CR1: variants seen among roughly 807,000 people sequenced by gnomAD.
CR1 encodes complement receptor type 1.
CR1 carries 116 observed loss-of-function variants against 187.3 expected under a neutral mutation model. The observed-to-expected ratio is 0.62, with a 90% CI of 0.53 to 0.72. CR1 has a LOEUF of 0.72. CR1 is among the 30% of genes least tolerant of loss of function. CR1 has a pLI of 0.00. For missense variants in CR1, 1,731 were observed against 2,110.7 expected, an observed-to-expected ratio of 0.82 and a Z score of 3.52; for synonymous variants, 576 against 747.1, an observed-to-expected ratio of 0.77 and a Z score of 3.73.
chr1:207,617,936 G>A (rs749682694), intron 41 of CR1, 135 bp from the exon 42 acceptor site: 2 of 827,520 alleles, frequency 2.4e-6, no homozygotes, highest in Admixed American at 2.9e-5. Context: ...AAATAGGAGG[G>A]AGTGGCTTAT....
At chr1:207,504,372 C>A (rs1426566309) in intron 1 of CR1, among the ~76,000 whole-genome samples, 2 of 151,980 alleles carry the variant, frequency 1.3e-5, no homozygotes, top group Admixed American at 1.3e-4. Flanking sequence ...AAGAAGGTTG[C>A]TCTACCATAA....
rs772945933 is a variant in CR1 at position 207,523,629 on chromosome 1, C to T, written c.506C>T (p.Pro169Leu). ...TTTCCAGGAATTCCTTGTGGGCTAC[C>T]CCCCACCATCACCAATGGAGATTTC... ...PICDRIPCGL[P>L]PTITNGDFIS... The change falls in exon 5 of 47, where the codon CCC becomes CTC. Residue 169 changes from proline to leucine, a missense_variant. Transcript: ENST00000367049. 10 of 1,613,856 alleles carry T rather than the reference C, an allele frequency of 6.2e-6. No individual in the cohort carries two copies. Among genetic ancestry groups the T allele is most frequent in the Non-Finnish European group, 7.6e-6 (9 of 1,179,892 alleles).
At chr1:207,523,470 T>A (rs1660060490) in intron 4 of CR1, 141 bp from the exon 5 acceptor site, 1 of 1,422,784 alleles carries the variant, frequency 7.0e-7, no homozygotes, top group Non-Finnish European at 9.5e-7. Flanking sequence ...AAGCTACAAC[T>A]TTATAAAAAT....
chr1:207,544,647 C>G (rs1488779555), intron 13 of CR1, among the ~76,000 whole-genome samples: 3 of 136,350 alleles, frequency 2.2e-5, no homozygotes, highest in African/African-American at 9.0e-5. Context: ...AAATTACACT[C>G]TCATTATGGT....
chr1:207,622,579 C>T (rs1662345631), intron 44 of CR1, among the ~76,000 whole-genome samples: 2 of 152,176 alleles, frequency 1.3e-5, no homozygotes, highest in Admixed American at 6.5e-5. Flanking sequence ...TCTGTGGAGA[C>T]TGTGCACTTT....
intron 41 of CR1, 51 bp from the exon 42 acceptor site, chr1:207,618,020 T>G: frequency 6.3e-7 from 1 of 1,575,582 alleles, no homozygotes; most frequent in Non-Finnish European, 8.6e-7. Flanking sequence ...TTCATATGTC[T>G]ATGTTTAACT....
At chr1:207,588,542 G>C (rs1661178241) in intron 34 of CR1, 133 bp from the exon 35 acceptor site, 1 of 656,770 alleles carries the variant, frequency 1.5e-6, no homozygotes, top group Non-Finnish European at 2.7e-6. Context: ...TGTCTGCCAA[G>C]TTTCCTCAAA....
intron 45 of CR1, among the ~76,000 whole-genome samples, chr1:207,623,370 C>T (rs898441035): frequency 6.6e-6 from 1 of 152,014 alleles, no homozygotes; most frequent in Admixed American, 6.6e-5. Context: ...TCACTAGAGG[C>T]CAGGGGTTCG....
chr1:207,496,319 G>C lies in CR1; in HGVS notation c.52G>C (p.Gly18Arg). Residue 18 changes from glycine (G) to arginine (R), a missense_variant, in exon 1 of 47, where the codon GGT (glycine) becomes CGT (arginine). Gly to Arg is a moderately radical substitution (Grantham distance 125). Coordinates refer to ENST00000367049, the MANE Select transcript of CR1 (RefSeq NM_000651.6). ...GGAGCCTGTCGGGCCGCCGGCGCCC[G>C]GTCTCCCCTTCTGCTGCGGAGGATC... is the stretch of plus-strand genomic sequence containing the variant. ...SPEPVGPPAP[G>R]LPFCCGGSLL... 1 of 1,613,584 alleles carries C rather than the reference G, an allele frequency of 6.2e-7. No homozygotes were observed. The highest frequency in any genetic ancestry group is 1.7e-4 in the Middle Eastern group (1 of 5,788).
In CR1 at chr1:207,567,954, C is replaced by T. The variant is rs377273571; in HGVS notation, c.4083C>T (p.Asp1361=). The change falls in exon 25 of 47, where the codon GAC becomes GAT. Residue 1361 remains aspartate, a synonymous_variant. Transcript: ENST00000367049. The part of the protein sequence containing the change: ...DPHPDRGTSF[D]LIGESTIRCT... ...ACCCAGACAGAGGGACGAGCTTCGA[C>T]CTCATTGGAGAGAGCACCATCCGCT... 25 of 1,610,486 alleles carry T rather than the reference C, an allele frequency of 1.6e-5. 4 individuals carry two copies. In the African/African-American group the frequency reaches 3.3e-4, roughly 21 times the overall value.
At chr1:207,632,129 C>T (rs927594995) in intron 46 of CR1, among the ~76,000 whole-genome samples, 9 of 151,962 alleles carry the variant, frequency 5.9e-5, no homozygotes, top group African/African-American at 2.2e-4. Flanking sequence ...TTTGCAATGC[C>T]CTGTTTATTA....
At chr1:207,609,152 C>A in intron 36 of CR1, 138 bp from the exon 37 acceptor site, 1 of 920,134 alleles carries the variant, frequency 1.1e-6, no homozygotes, top group Non-Finnish European at 1.5e-6. Flanking sequence ...TGATTATTAG[C>A]AAATATTTTA....
At position 207,580,406 on chromosome 1, in the gene CR1, G is replaced by A. The variant is rs746998777; in HGVS notation, c.5103G>A (p.Pro1701=). Residue 1701 remains proline, a synonymous_variant, in exon 30 of 47, where the codon CCG becomes CCA. Transcript: ENST00000367049. ...TPQGDWSPEA[P]RCAVKSCDDF... ...AGGGAGACTGGAGCCCTGAAGCCCC[G>A]AGATGTGCAGGTGCCTCAACTCTCT... is the stretch of plus-strand genomic sequence containing the variant. 27 of 1,613,750 alleles carry A rather than the reference G, an allele frequency of 1.7e-5. No homozygotes were observed. Among genetic ancestry groups the A allele is most frequent in the East Asian group, 1.6e-4 (7 of 44,882 alleles).
rs940745610 is a variant in CR1, at chr1:207,514,778, C to A, written c.487+3124C>A. On this transcript the variant is annotated intron_variant, in intron 4 of 46. Transcript: ENST00000367049. Reference sequence around the variant, plus strand: ...AATGTCCTTAATAAGATTTTGATATCAAAGCTATGACAGTCTTATAAAGCC... The same window carrying A: ...AATGTCCTTAATAAGATTTTGATATAAAAGCTATGACAGTCTTATAAAGCC... 2.6e-4 allele frequency among the ~76,000 whole-genome samples: 40 copies of A among 151,880 alleles called. 1 individual carries two copies. Among genetic ancestry groups the A allele is most frequent in the Non-Finnish European group, 8.8e-5 (6 of 67,986 alleles).
intron 1 of CR1, among the ~76,000 whole-genome samples, chr1:207,498,951 A>G (rs558452274): frequency 6.6e-6 from 1 of 151,636 alleles, no homozygotes; most frequent in African/African-American, 2.4e-5. Flanking sequence ...GAAGACAAAA[A>G]ATAGAAACAG....
Position 207,639,946 on chromosome 1 carries a change from C to CT in CR1, c.*541dup, listed in dbSNP as rs1332995634. 2 of 152,526 alleles carry CT rather than the reference C, an allele frequency of 1.3e-5. No individual in the cohort carries two copies. The highest frequency in any genetic ancestry group is 2.9e-5 in the Non-Finnish European group (2 of 68,428). The allele number at this position is 152,526 out of a possible 1,614,324, so 9.4% of individuals were successfully genotyped here. On this transcript the variant is annotated 3_prime_UTR_variant, in exon 47 of 47. Coordinates refer to ENST00000367049, the MANE Select transcript of CR1 (RefSeq NM_000651.6). ...GTACTTTTCCCCCTTAGTTTGTTTC[C>CT]TTTTATTTTATAGAGCAGAACCCTA...
chr1:207,596,429 C>A (rs1558256172), intron 35 of CR1, among the ~76,000 whole-genome samples: 1 of 151,870 alleles, frequency 6.6e-6, no homozygotes, highest in Non-Finnish European at 1.5e-5. Flanking sequence ...GCCTGGCCAA[C>A]ATGGAGAAAC....
chr1:207,614,759 G>A (rs895687360), intron 40 of CR1, among the ~76,000 whole-genome samples: 5 of 152,056 alleles, frequency 3.3e-5, no homozygotes, highest in East Asian at 1.9e-4. Context: ...GGTGCAGCAC[G>A]TTTTAGTCAG....
chr1:207,627,688 A>C (rs886559586), intron 45 of CR1, among the ~76,000 whole-genome samples: 1 of 152,216 alleles, frequency 6.6e-6, no homozygotes, highest in Non-Finnish European at 1.5e-5. Flanking sequence ...AGGCAGGAGT[A>C]CTGCTTGAGC....
Sources: gnomAD v4.1 joint callset for allele counts (sites outside exome capture counted in the v4.1 genomes callset) on GRCh38, gnomAD v4.1.1 for gene constraint, MANE v1.5 for transcripts, NCBI Gene and HGNC (gene_info 2026-07-23, HGNC 2026-07-21) for gene names.